Variants in GDNF observed in about 807,000 individuals in gnomAD.
GDNF encodes glial cell line-derived neurotrophic factor.
Under a neutral mutation model 13.7 loss-of-function variants are expected in GDNF, and 5 were observed. That is an observed-to-expected ratio of 0.36 (90% CI 0.19 to 0.77). The LOEUF is 0.77. GDNF is among the 30% of genes least tolerant of loss of function. GDNF has a pLI of 0.51. For missense variants in GDNF, 246 were observed against 274.3 expected (o/e 0.90, Z 0.73); for synonymous variants, 122 against 112.5 (o/e 1.08, Z -0.53).
In GDNF at chr5:37,815,964, C is replaced by T. The variant is rs762832373; in HGVS notation, c.323G>A (p.Arg108Gln). Residue 108 changes from arginine to glutamine, a missense_variant, in exon 3 of 3, where the codon CGG becomes CAG. Arg to Gln is a conservative substitution (Grantham distance 43). Coordinates refer to ENST00000326524, the MANE Select transcript of GDNF (RefSeq NM_000514.4). This position sits in a 1 kb window ranked among gnomAD's most constrained non-coding sequence, Gnocchi z 5.0. ...CCGGTTTTTGCCCCTCTGGCCTCTC[C>T]GACCTTTTCCTCTGGAATTCTCTGG... The part of the protein sequence containing the change: ...ANPENSRGKG[R>Q]RGQRGKNRGC... The T allele has an allele frequency of 1.4e-5, 23 of 1,614,036 alleles. No individual in the cohort carries two copies. Among genetic ancestry groups the T allele is most frequent in the Middle Eastern group, 1.6e-4 (1 of 6,082 alleles).
At position 37,815,937 on chromosome 5, in the gene GDNF, C is replaced by G. The variant is rs372972551; in HGVS notation, c.350G>C (p.Gly117Ala). Reference protein sequence around the residue: ...GRRGQRGKNRGCVLTAIHLNV... With the variant: ...GRRGQRGKNRACVLTAIHLNV... ...TAAATGTATTGCAGTTAAGACACAACCCCGGTTTTTGCCCCTCTGGCCTCT... is the reference window on the plus strand; with the variant it reads ...TAAATGTATTGCAGTTAAGACACAAGCCCGGTTTTTGCCCCTCTGGCCTCT... Residue 117 changes from glycine to alanine, a missense_variant, in exon 3 of 3, where the codon GGT becomes GCT. By Grantham distance (60) the Gly-to-Ala change is moderately conservative (BLOSUM62 0). Coordinates refer to ENST00000326524, the MANE Select transcript of GDNF (RefSeq NM_000514.4). The surrounding 1 kb of genome is among the most constrained non-coding windows in gnomAD (Gnocchi z 5.0). 3.1e-6 allele frequency: 5 copies of G among 1,614,060 alleles called. No homozygotes were observed. In the African/African-American group the frequency reaches 6.7e-5, roughly 22 times the overall value.
chr5:37,830,951 GC>G (rs1178151909), intron 2 of GDNF, among the ~76,000 whole-genome samples: 2 of 152,122 alleles, frequency 1.3e-5, no homozygotes, highest in East Asian at 3.9e-4. Context: ...TATGGGATGT[GC>G]CCCCCAGGGC....
chr5:37,817,730 TGCAC>T (rs1384167994), intron 2 of GDNF, among the ~76,000 whole-genome samples: 2 of 152,170 alleles, frequency 1.3e-5, no homozygotes, highest in African/African-American at 2.4e-5. Flanking sequence ...CAGGATCAGC[TGCAC>T]GGAAATCACA....
In GDNF at chr5:37,815,474, C is replaced by T; in HGVS notation, c.*177G>A. 1.5e-6 allele frequency: 1 copy of T among 663,226 alleles called. No homozygotes were observed. Among genetic ancestry groups the T allele is most frequent in the South Asian group, 1.8e-5 (1 of 56,874 alleles). 41.1% of individuals were successfully genotyped at this position (663,226 alleles called of 1,614,324 possible). ...GCTGGATCTCCCTCTACCAGGCTCC[C>T]ATGATGGCTGCCTTCCTCCTCCTCC... On this transcript the variant is annotated 3_prime_UTR_variant, in exon 3 of 3. Coordinates refer to ENST00000326524, the MANE Select transcript of GDNF (RefSeq NM_000514.4). This position sits in a 1 kb window ranked among gnomAD's most constrained non-coding sequence, Gnocchi z 5.0.
At position 37,816,008 on chromosome 5, in the gene GDNF, C is replaced by A; in HGVS notation, c.279G>T (p.Arg93=). 2 of 1,613,806 alleles carry A rather than the reference C, an allele frequency of 1.2e-6. No homozygotes were observed. The highest frequency in any genetic ancestry group is 1.7e-6 in the Non-Finnish European group (2 of 1,179,726). ...MAVLPRRERN[R]QAAAANPENS... ...TCTCTGGGTTGGCAGCTGCAGCCTGCCGATTCCGCTCTCTTCTAGGAAGCA... is the reference window on the plus strand; with the variant it reads ...TCTCTGGGTTGGCAGCTGCAGCCTGACGATTCCGCTCTCTTCTAGGAAGCA... The change falls in exon 3 of 3, where the codon CGG becomes CGT. Residue 93 remains arginine, a synonymous_variant. Coordinates refer to ENST00000326524, the MANE Select transcript of GDNF (RefSeq NM_000514.4).
chr5:37,816,266 T>A, intron 2 of GDNF, 131 bp from the exon 3 acceptor site: 1 of 837,354 alleles, frequency 1.2e-6, no homozygotes, highest in Non-Finnish European at 1.9e-6. Flanking sequence ...GATTAAGCTA[T>A]AGGACCACTG....
chr5:37,816,746 C>T (rs1235864621), intron 2 of GDNF, among the ~76,000 whole-genome samples: 1 of 152,170 alleles, frequency 6.6e-6, no homozygotes, highest in Non-Finnish European at 1.5e-5. Context: ...CTACCTTCAT[C>T]TGGAATACTG....
At chr5:37,826,354 G>A (rs1391666816) in intron 2 of GDNF, among the ~76,000 whole-genome samples, 1 of 152,230 alleles carries the variant, frequency 6.6e-6, no homozygotes, top group African/African-American at 2.4e-5. Context: ...GAAGGCAGCA[G>A]TGTAAAGCCA....
At chr5:37,817,625 G>A (rs552732775) in intron 2 of GDNF, among the ~76,000 whole-genome samples, 1 of 151,964 alleles carries the variant, frequency 6.6e-6, no homozygotes, top group Non-Finnish European at 1.5e-5. Flanking sequence ...GTGTGTGTGT[G>A]TGTGTAATAT....
At chr5:37,821,097 C>G (rs949782552) in intron 2 of GDNF, among the ~76,000 whole-genome samples, 4 of 152,128 alleles carry the variant, frequency 2.6e-5, no homozygotes, top group Admixed American at 1.3e-4. Flanking sequence ...TTTATCGATG[C>G]GAGGCACCTG....
chr5:37,827,924 G>A (rs947004627), intron 2 of GDNF, among the ~76,000 whole-genome samples: 6 of 152,124 alleles, frequency 3.9e-5, no homozygotes, highest in South Asian at 2.1e-4. Flanking sequence ...GTAGGTAATC[G>A]TTTTTCAACA....
chr5:37,831,301 C>T (rs1384371929), intron 2 of GDNF, among the ~76,000 whole-genome samples: 3 of 152,196 alleles, frequency 2.0e-5, no homozygotes, highest in Admixed American at 6.6e-5. Context: ...TCCATGAGGG[C>T]AGCGACTTTT....
intron 2 of GDNF, among the ~76,000 whole-genome samples, chr5:37,821,732 T>C (rs1750148512): frequency 6.6e-6 from 1 of 152,054 alleles, no homozygotes; most frequent in African/African-American, 2.4e-5. Context: ...CCCTCGATTA[T>C]GGGGAAAAAA....
In GDNF at chr5:37,834,630, A is replaced by T; in HGVS notation, c.151+16T>A. 1 of 1,489,742 alleles carries T rather than the reference A, an allele frequency of 6.7e-7. No individual in the cohort carries two copies. Among genetic ancestry groups the T allele is most frequent in the Non-Finnish European group, 8.9e-7 (1 of 1,120,736 alleles). The allele number at this position is 1,489,742 out of a possible 1,614,324, so 92.3% of individuals were successfully genotyped here. A position where few individuals can be genotyped will look rare whatever the true frequency, so the allele number is the denominator to read the frequency against. ...GTCCGCCGGCGGCCCCCCCGCGGGGAGGGAACGGTTCTTACAGTCACTGCT... is the reference window on the plus strand; with the variant it reads ...GTCCGCCGGCGGCCCCCCCGCGGGGTGGGAACGGTTCTTACAGTCACTGCT... On this transcript the variant is annotated intron_variant, in intron 2 of 2. Coordinates refer to ENST00000326524, the MANE Select transcript of GDNF (RefSeq NM_000514.4).
intron 2 of GDNF, among the ~76,000 whole-genome samples, chr5:37,821,406 G>A (rs1045436101): frequency 3.3e-5 from 5 of 152,040 alleles, no homozygotes; most frequent in African/African-American, 1.2e-4. Context: ...AACTTTAATA[G>A]TGAAATACTT....
chr5:37,837,968 G>A lies in GDNF; in HGVS notation c.-27+1539C>T, dbSNP rs76568852. 1.9e-3 allele frequency among the ~76,000 whole-genome samples: 286 copies of A among 152,018 alleles called. 12 individuals are homozygous for A. In the East Asian group the frequency reaches 0.051, roughly 27 times the overall value. ...AGAGAGAAAAAGGAGGCGGTGGGGC[G>A]GGGAGACGGGTTTGCTATAAACTCG... On this transcript the variant is annotated intron_variant, in intron 1 of 2. Transcript: ENST00000326524. The surrounding 1 kb of genome is among the most constrained non-coding windows in gnomAD (Gnocchi z 6.5).
intron 1 of GDNF, chr5:37,835,353 G>T: frequency 1.1e-6 from 1 of 922,568 alleles, no homozygotes; most frequent in Non-Finnish European, 1.5e-6. Flanking sequence ...GTCCCAACCG[G>T]GCTTCTGGCT....
Position 37,838,189 on chromosome 5 carries a change from G to A in GDNF, c.-27+1318C>T, listed in dbSNP as rs1350191184. ...CTTCTCGCAGGCAAACTGGGAAAGC[G>A]GTCTGTTTAAAGGGCCAGGTTCCAG... On this transcript the variant is annotated intron_variant, in intron 1 of 2. Coordinates refer to ENST00000326524, the MANE Select transcript of GDNF (RefSeq NM_000514.4). This position sits in a 1 kb window ranked among gnomAD's most constrained non-coding sequence, Gnocchi z 4.1. Among the ~76,000 whole-genome samples, 1 of 152,140 alleles carries A rather than the reference G, an allele frequency of 6.6e-6. No individual in the cohort carries two copies.
intron 2 of GDNF, among the ~76,000 whole-genome samples, chr5:37,816,678 A>T (rs1464629287): frequency 2.0e-5 from 3 of 152,204 alleles, no homozygotes; most frequent in Non-Finnish European, 4.4e-5. Flanking sequence ...AGATCCACGC[A>T]CTAAACTTTG....
Sources: allele counts gnomAD v4.1 joint callset (sites outside exome capture counted in the v4.1 genomes callset), GRCh38; gene constraint gnomAD v4.1.1; non-coding constraint Gnocchi (gnomAD v3.1); transcripts MANE v1.5; gene names NCBI Gene and HGNC (gene_info 2026-07-23, HGNC 2026-07-21).